IMMP2L: variants seen among roughly 807,000 people sequenced by gnomAD.
The protein encoded by IMMP2L is mitochondrial inner membrane protease subunit 2.
In IMMP2L, 18 loss-of-function variants were observed where a neutral mutation model predicts 19.3. The ratio of observed to expected loss-of-function variants is 0.93; its 90% CI spans 0.64 to 1.38. The LOEUF (loss-of-function observed/expected upper bound fraction) is 1.38, where lower values mean the gene tolerates loss of function less well. Among genes scored for constraint, IMMP2L ranks in the 40% most tolerant of loss-of-function variants. The pLI is 0.00. For synonymous variants in IMMP2L, 76 were observed against 73.0 expected (o/e 1.04, Z -0.21); for missense variants, 233 against 218.2 (o/e 1.07, Z -0.43).
intron 3 of IMMP2L, among the ~76,000 whole-genome samples, chr7:111,081,448 C>G (rs978817774): frequency 6.6e-6 from 1 of 152,174 alleles, no homozygotes; most frequent in Non-Finnish European, 1.5e-5. Context: ...TTTAGACATG[C>G]TAGCACCTCT....
At chr7:111,039,583 C>T (rs1415220342) in intron 3 of IMMP2L, among the ~76,000 whole-genome samples, 1 of 152,052 alleles carries the variant, frequency 6.6e-6, no homozygotes, top group African/African-American at 2.4e-5. Context: ...GGTCAGTGAG[C>T]TCTCCCCCCT....
intron 3 of IMMP2L, among the ~76,000 whole-genome samples, chr7:111,021,681 G>A (rs952398063): frequency 5.9e-5 from 9 of 152,170 alleles, no homozygotes; most frequent in Admixed American, 3.3e-4. Flanking sequence ...TCAGGAGTTC[G>A]AGGCCAGCCG....
At chr7:111,361,624 G>A (rs757375076) in intron 3 of IMMP2L, among the ~76,000 whole-genome samples, 1 of 152,072 alleles carries the variant, frequency 6.6e-6, no homozygotes, top group Non-Finnish European at 1.5e-5. Context: ...TTGATCCAAA[G>A]ATTTCCCTTC....
chr7:111,413,351 T>C (rs1234881454), intron 3 of IMMP2L, among the ~76,000 whole-genome samples: 1 of 152,068 alleles, frequency 6.6e-6, no homozygotes, highest in African/African-American at 2.4e-5. Flanking sequence ...ACTTCCCAGC[T>C]TGTTTATGAA....
chr7:110,832,727 G>T (rs894215678), intron 5 of IMMP2L, among the ~76,000 whole-genome samples: 1 of 152,112 alleles, frequency 6.6e-6, no homozygotes, highest in Non-Finnish European at 1.5e-5. Flanking sequence ...AAGAAACTTA[G>T]AATTCTTCAT....
intron 3 of IMMP2L, among the ~76,000 whole-genome samples, chr7:111,241,658 A>C (rs1445459234): frequency 2.0e-5 from 3 of 151,690 alleles, no homozygotes; most frequent in Admixed American, 6.6e-5. Context: ...GGTCTAGCCA[A>C]ATGTATATTG....
intron 3 of IMMP2L, among the ~76,000 whole-genome samples, chr7:111,306,255 C>T (rs906936372): frequency 2.6e-5 from 4 of 152,054 alleles, no homozygotes; most frequent in African/African-American, 9.7e-5. Context: ...CAAACTTGTC[C>T]AAAGCCATAG....
chr7:111,191,157 G>C (rs1357435787), intron 3 of IMMP2L, among the ~76,000 whole-genome samples: 2 of 152,000 alleles, frequency 1.3e-5, no homozygotes, highest in South Asian at 4.2e-4. Flanking sequence ...GTAGTTATAT[G>C]ACCTTTATTA....
chr7:111,208,621 A>C (rs1810975453), intron 3 of IMMP2L, among the ~76,000 whole-genome samples: 1 of 152,202 alleles, frequency 6.6e-6, no homozygotes, highest in East Asian at 1.9e-4. Context: ...AGGAAGAGTT[A>C]TAAAACAAAT....
At chr7:111,325,491 T>G (rs866941799) in intron 3 of IMMP2L, among the ~76,000 whole-genome samples, 1 of 151,758 alleles carries the variant, frequency 6.6e-6, no homozygotes, top group African/African-American at 2.4e-5. Context: ...TTCCAAAATA[T>G]AATTTTAAAT....
intron 3 of IMMP2L, among the ~76,000 whole-genome samples, chr7:111,261,560 T>C (rs1663285496): frequency 6.6e-6 from 1 of 152,120 alleles, no homozygotes; most frequent in Non-Finnish European, 1.5e-5. Flanking sequence ...AAGGCTGGTG[T>C]CTAGTGAATA....
At chr7:111,527,553 T>C (rs1277531182) in intron 1 of IMMP2L, among the ~76,000 whole-genome samples, 2 of 152,126 alleles carry the variant, frequency 1.3e-5, no homozygotes, top group Non-Finnish European at 2.9e-5. Context: ...GAGATCACTA[T>C]TGACTAAGAA....
chr7:111,408,950 C>G (rs1292527953), intron 3 of IMMP2L, among the ~76,000 whole-genome samples: 1 of 151,614 alleles, frequency 6.6e-6, no homozygotes. Context: ...CCTACATCAG[C>G]ACTTTCTGTC....
intron 5 of IMMP2L, among the ~76,000 whole-genome samples, chr7:110,761,046 T>C (rs754520867): frequency 6.6e-6 from 1 of 152,116 alleles, no homozygotes. Flanking sequence ...ATGAGAGCTG[T>C]TGGTGTATCA....
intron 5 of IMMP2L, among the ~76,000 whole-genome samples, chr7:110,807,563 A>G (rs2131252360): frequency 6.6e-6 from 1 of 152,132 alleles, no homozygotes; most frequent in Admixed American, 6.6e-5. Context: ...ATTACTTAAG[A>G]CTCCTATGAA....
rs1401946752 is a variant in IMMP2L at position 111,296,601 on chromosome 7, G to A, written c.239+190637C>T. Among the ~76,000 whole-genome samples, 5 of 151,712 alleles carry A rather than the reference G, an allele frequency of 3.3e-5. No homozygotes were observed. In the East Asian group the frequency reaches 9.7e-4, roughly 29 times the overall value. ...TATAAAATGGTACAGCCACCCCAGA[G>A]AATAGTTAGAAATTTTCTTTAAAAA... is the stretch of plus-strand genomic sequence containing the variant. On this transcript the variant is annotated intron_variant, in intron 3 of 5. Coordinates refer to ENST00000405709, the MANE Select transcript of IMMP2L (RefSeq NM_032549.4).
chr7:110,881,722 A>G (rs1809655885), intron 5 of IMMP2L, among the ~76,000 whole-genome samples: 1 of 152,198 alleles, frequency 6.6e-6, no homozygotes, highest in African/African-American at 2.4e-5. Context: ...AAAAAATGCA[A>G]TGAAAATTCA....
intron 3 of IMMP2L, among the ~76,000 whole-genome samples, chr7:111,125,782 T>C (rs548060093): frequency 1.2e-4 from 18 of 151,774 alleles, no homozygotes; most frequent in African/African-American, 4.3e-4. Context: ...AGTCTTATTT[T>C]AATAATTAGC....
intron 3 of IMMP2L, among the ~76,000 whole-genome samples, chr7:111,122,084 TG>T (rs1692261531): frequency 5.1e-5 from 4 of 78,680 alleles, no homozygotes; most frequent in African/African-American, 1.5e-4. Context: ...TGTTGTGGGG[TG>T]GGGGGAGGGA....
Sources: gnomAD v4.1 joint callset for allele counts (sites outside exome capture counted in the v4.1 genomes callset) on GRCh38, gnomAD v4.1.1 for gene constraint, MANE v1.5 for transcripts, NCBI Gene and HGNC (gene_info 2026-07-23, HGNC 2026-07-21) for gene names.